Variants in RAD51AP2 observed in about 807,000 individuals in gnomAD.
The protein encoded by RAD51AP2 is RAD51 associated protein 2, also known as RAD51-associated protein 2.
A neutral mutation model predicts 85.5 loss-of-function variants in RAD51AP2; 67 were observed. The ratio of observed to expected loss-of-function variants is 0.78; its 90% confidence interval spans 0.64 to 0.96. RAD51AP2 has a LOEUF of 0.96. Among genes scored for constraint, RAD51AP2 ranks in the 40% least tolerant of loss-of-function variants. The pLI is 0.00. For synonymous variants in RAD51AP2, 474 were observed against 446.5 expected (o/e 1.06, Z -0.78); for missense variants, 1,307 against 1,332.4 (o/e 0.98, Z 0.30).
At chr2:17,530,018 C>T in the RAD51AP2 span, among the ~76,000 whole-genome samples, 1 of 152,178 alleles carries the variant, frequency 6.6e-6, no homozygotes, top group Non-Finnish European at 1.5e-5. Flanking sequence ...GATCAGAAAT[C>T]ACTGACTGAT....
At chr2:17,527,892 A>G in the RAD51AP2 span, among the ~76,000 whole-genome samples, 15 of 152,360 alleles carry the variant, frequency 9.8e-5, no homozygotes, top group African/African-American at 3.6e-4. Flanking sequence ...GTTCATATGC[A>G]TATTAAAATG....
At position 17,515,971 on chromosome 2, in the gene RAD51AP2, T is replaced by C; in HGVS notation, c.2445A>G (p.Leu815=). The part of the protein sequence containing the change: ...ETHTTSITQV[L]NFWNLLSEIE... ...TTTCACTTAGCAAGTTCCAAAAATT[T>C]AGTACTTGAGTTATAGAAGTGGTAT... Residue 815 remains leucine, a synonymous_variant, in exon 1 of 3, where the codon CTA becomes CTG. Transcript: ENST00000399080. 1 of 1,609,996 alleles carries C rather than the reference T, an allele frequency of 6.2e-7. No individual in the cohort carries two copies. The highest frequency in any genetic ancestry group is 8.5e-7 in the Non-Finnish European group (1 of 1,179,058).
chr2:17,520,277 C>G (rs961563337), upstream of RAD51AP2, among the ~76,000 whole-genome samples: 9 of 152,056 alleles, frequency 5.9e-5, no homozygotes, highest in Non-Finnish European at 5.9e-5. Context: ...CAAACAATGG[C>G]TATTGAAACC....
chr2:17,531,111 TG>T, the RAD51AP2 span, among the ~76,000 whole-genome samples: 1 of 152,228 alleles, frequency 6.6e-6, no homozygotes, highest in Non-Finnish European at 1.5e-5. Flanking sequence ...GTGAATTTTA[TG>T]GAACTATAAA....
upstream of RAD51AP2, chr2:17,518,448 G>C (rs965902600): frequency 1.9e-6 from 3 of 1,586,526 alleles, no homozygotes; most frequent in Non-Finnish European, 2.6e-6. Context: ...TCCGAGTCCC[G>C]GCGGGGCTCC....
At chr2:17,518,441 G>C, upstream of RAD51AP2, 1 of 1,592,128 alleles carries the variant, frequency 6.3e-7, no homozygotes, top group Non-Finnish European at 8.5e-7. Context: ...GGATCTGTCC[G>C]AGTCCCGGCG....
intron 2 of RAD51AP2, among the ~76,000 whole-genome samples, chr2:17,511,322 A>G (rs961146963): frequency 6.6e-6 from 1 of 152,272 alleles, no homozygotes; most frequent in Non-Finnish European, 1.5e-5. Flanking sequence ...CTAAACAACT[A>G]TGCTGTATGG....
chr2:17,513,916 T>G (rs565819608), intron 2 of RAD51AP2, 96 bp downstream of exon 2: 2 of 691,842 alleles, frequency 2.9e-6, no homozygotes, highest in African/African-American at 3.7e-5. Flanking sequence ...TGTATTTATT[T>G]TGAACAACAT....
chr2:17,535,595 G>A, the RAD51AP2 span, among the ~76,000 whole-genome samples: 1 of 152,150 alleles, frequency 6.6e-6, no homozygotes. Flanking sequence ...TTAACGACGT[G>A]ATGAGGAATT....
chr2:17,526,319 T>C, the RAD51AP2 span, among the ~76,000 whole-genome samples: 6 of 149,606 alleles, frequency 4.0e-5, no homozygotes, highest in South Asian at 6.3e-4. Context: ...GACACAAGGC[T>C]CGTCTTTCAA....
chr2:17,526,608 C>T, the RAD51AP2 span, among the ~76,000 whole-genome samples: 1 of 152,092 alleles, frequency 6.6e-6, no homozygotes, highest in Non-Finnish European at 1.5e-5. Flanking sequence ...TTGTCAGGAA[C>T]TTCAATGTGG....
chr2:17,533,552 C>A, the RAD51AP2 span, among the ~76,000 whole-genome samples: 4 of 152,164 alleles, frequency 2.6e-5, no homozygotes, highest in African/African-American at 9.7e-5. Flanking sequence ...AAAAACTTTT[C>A]TTCCAATTCT....
intron 2 of RAD51AP2, 109 bp from the exon 3 acceptor site, chr2:17,511,064 T>A: frequency 3.4e-6 from 2 of 581,684 alleles, no homozygotes; most frequent in Non-Finnish European, 5.6e-6. Flanking sequence ...TACTGAGCAC[T>A]TATTATTTAT....
Position 17,516,223 on chromosome 2 carries a change from A to C in RAD51AP2, c.2193T>G (p.Val731=), listed in dbSNP as rs1490943295. ...GAGGACAAGAATTACCATGTGCTTTAACAGTACTAGAATTATAGTGAGCCC... is the reference window on the plus strand; with the variant it reads ...GAGGACAAGAATTACCATGTGCTTTCACAGTACTAGAATTATAGTGAGCCC... ...ENWAHYNSST[V]KAHGNSCPQF... Residue 731 remains valine, a synonymous_variant, in exon 1 of 3, where the codon GTT becomes GTG. Transcript: ENST00000399080. The C allele has an allele frequency of 6.2e-7, 1 of 1,613,262 alleles. No homozygotes were observed.
At chr2:17,533,626 A>C in the RAD51AP2 span, among the ~76,000 whole-genome samples, 5 of 152,200 alleles carry the variant, frequency 3.3e-5, no homozygotes, top group African/African-American at 4.8e-5. Context: ...TTAGCAGTGA[A>C]ATTTTGTTTT....
the RAD51AP2 span, among the ~76,000 whole-genome samples, chr2:17,531,361 T>C: frequency 2.1e-3 from 318 of 152,278 alleles, no homozygotes; most frequent in African/African-American, 7.1e-3. Context: ...TAAATAATGT[T>C]ATTTAGTCTT....
upstream of RAD51AP2, among the ~76,000 whole-genome samples, chr2:17,519,397 C>G (rs1438575398): frequency 6.6e-6 from 1 of 151,704 alleles, no homozygotes; most frequent in African/African-American, 2.4e-5. Context: ...TCTTAAGAAA[C>G]ATGTAACTGG....
In RAD51AP2 at chr2:17,518,371, C is replaced by T. The variant is rs1339115804; in HGVS notation, c.45G>A (p.Lys15=). Residue 15 remains lysine (K), a synonymous_variant, in exon 1 of 3, where the codon AAG becomes AAA. Transcript: ENST00000399080. ...CAGGAGGCGTTAAAGAGGAGGTAGG[C>T]TTTCTGAGCTCGGCCATCCGCGGCG... ...QPTPRMAELR[K]PTSSLTPPED... 2 of 1,613,352 alleles carry T rather than the reference C, an allele frequency of 1.2e-6. No homozygotes were observed. The highest frequency in any genetic ancestry group is 1.7e-6 in the Non-Finnish European group (2 of 1,179,828).
chr2:17,514,322 T>C (rs1199839596), intron 1 of RAD51AP2, among the ~76,000 whole-genome samples: 1 of 152,220 alleles, frequency 6.6e-6, no homozygotes, highest in African/African-American at 2.4e-5. Context: ...TGCACCCAGC[T>C]AGCAGCTGCT....
Sources: gnomAD v4.1 joint callset for allele counts (sites outside exome capture counted in the v4.1 genomes callset) on GRCh38, gnomAD v4.1.1 for gene constraint, MANE v1.5 for transcripts, NCBI Gene and HGNC (gene_info 2026-07-23, HGNC 2026-07-21) for gene names.